The following TESK2 variants were observed in gnomAD, a reference collection of about 807,000 sequenced individuals.
TESK2 encodes the protein testis associated actin remodelling kinase 2, also known as dual specificity testis-specific protein kinase 2.
TESK2 carries 39 observed loss-of-function variants against 57.1 expected under a neutral mutation model. That is an observed-to-expected ratio of 0.68 (90% CI 0.53 to 0.89). The LOEUF (loss-of-function observed/expected upper bound fraction) is 0.89, where lower values mean the gene tolerates loss of function less well. Ranked by LOEUF, TESK2 falls within the 40% of genes least tolerant of loss-of-function variation. The pLI is 0.00. For missense variants in TESK2, 646 were observed against 732.1 expected (o/e 0.88, Z 1.36); for synonymous variants, 249 against 267.9 (o/e 0.93, Z 0.69).
intron 2 of TESK2, among the ~76,000 whole-genome samples, chr1:45,444,193 G>T (rs1305390526): frequency 1.4e-5 from 2 of 137,982 alleles, no homozygotes; most frequent in Non-Finnish European, 3.2e-5. Flanking sequence ...AAAAAAAAAA[G>T]GCTTTGAGGG....
chr1:45,383,427 T>C (rs925941696), intron 4 of TESK2, among the ~76,000 whole-genome samples: 1 of 152,140 alleles, frequency 6.6e-6, no homozygotes, highest in Non-Finnish European at 1.5e-5. Context: ...TCATAAGCTA[T>C]GTCAAAATCT....
rs1405831723 is a variant in TESK2 at position 45,346,791 on chromosome 1, T to A, written c.793-12A>T. On this transcript the variant is annotated splice_polypyrimidine_tract_variant and intron_variant, in intron 8 of 10. Coordinates refer to ENST00000372086, the MANE Select transcript of TESK2 (RefSeq NM_007170.3). ...TCCAGCCCGAAATTCTGTGGATGGGTATGGAAAGCATAGGTAGACAGTTCA... is the reference window on the plus strand; with the variant it reads ...TCCAGCCCGAAATTCTGTGGATGGGAATGGAAAGCATAGGTAGACAGTTCA... 1 of 1,612,220 alleles carries A rather than the reference T, an allele frequency of 6.2e-7. No individual in the cohort carries two copies. Among genetic ancestry groups the A allele is most frequent in the Non-Finnish European group, 8.5e-7 (1 of 1,178,454 alleles).
At chr1:45,348,090 A>G in intron 5 of TESK2, 90 bp from the exon 6 acceptor site, 2 of 882,296 alleles carry the variant, frequency 2.3e-6, no homozygotes, top group Non-Finnish European at 3.8e-6. Context: ...TTCCTATCAC[A>G]GGGCACCTTG....
chr1:45,346,137 C>T (rs1026704245), intron 9 of TESK2, 143 bp from the exon 10 acceptor site: 3 of 676,686 alleles, frequency 4.4e-6, no homozygotes, highest in East Asian at 2.6e-5. Flanking sequence ...TGAAGGTGAT[C>T]CCTACAGTTC....
intron 3 of TESK2, among the ~76,000 whole-genome samples, chr1:45,416,970 T>C (rs1650268899): frequency 6.6e-6 from 1 of 151,464 alleles, no homozygotes; most frequent in African/African-American, 2.4e-5. Context: ...GTATTTTTAG[T>C]AGAGATGGGG....
At chr1:45,384,385 A>ATCTATCTG (rs1553147474) in intron 4 of TESK2, among the ~76,000 whole-genome samples, 3 of 124,284 alleles carry the variant, frequency 2.4e-5, no homozygotes, top group African/African-American at 9.0e-5. Context: ...CTATCTATCT[A>ATCTATCTG]TCTGTCTATC....
In TESK2 at chr1:45,394,679, CT is replaced by C. The variant is rs5773871; in HGVS notation, c.345-8720del. On this transcript the variant is annotated intron_variant, in intron 3 of 10. Transcript: ENST00000372086. ...AAGATAGTAAGACCAACAGGAAACTCTTTTTTTTTTTTTTTTTTTTTTTTTT... is the reference window on the plus strand; with the variant it reads ...AAGATAGTAAGACCAACAGGAAACTCTTTTTTTTTTTTTTTTTTTTTTTTT... 3.5e-3 allele frequency among the ~76,000 whole-genome samples: 203 copies of C among 57,414 alleles called. 1 individual carries two copies. Among genetic ancestry groups the C allele is most frequent in the African/African-American group, 9.8e-3 (132 of 13,512 alleles). The allele number at this position is 57,414 out of a possible 152,430, so 37.7% of individuals were successfully genotyped here. A position where few individuals can be genotyped will look rare whatever the true frequency, so the allele number is the denominator to read the frequency against.
chr1:45,450,715 T>C (rs987351747), intron 2 of TESK2, among the ~76,000 whole-genome samples: 6 of 152,186 alleles, frequency 3.9e-5, no homozygotes, highest in Non-Finnish European at 4.4e-5. Context: ...CCACAAGTTG[T>C]AAATGAAAAG....
chr1:45,384,612 T>A (rs1259446868), intron 4 of TESK2, among the ~76,000 whole-genome samples: 1 of 133,678 alleles, frequency 7.5e-6, no homozygotes, highest in African/African-American at 2.8e-5. Context: ...TTTTTTTTTT[T>A]TTTTTTTTTT....
intron 5 of TESK2, among the ~76,000 whole-genome samples, chr1:45,354,968 G>A (rs1392316531): frequency 6.6e-6 from 1 of 151,350 alleles, no homozygotes; most frequent in Non-Finnish European, 1.5e-5. Context: ...TGGATTGTTT[G>A]CAGCCAGGAG....
intron 2 of TESK2, among the ~76,000 whole-genome samples, chr1:45,431,384 C>G (rs59264386): frequency 2.6e-5 from 4 of 151,816 alleles, no homozygotes; most frequent in African/African-American, 9.7e-5. Flanking sequence ...TGCCACTGCA[C>G]TCCAGCCTGG....
At chr1:45,388,710 G>A (rs1648998575) in intron 3 of TESK2, among the ~76,000 whole-genome samples, 1 of 147,634 alleles carries the variant, frequency 6.8e-6, no homozygotes, top group Non-Finnish European at 1.5e-5. Flanking sequence ...AGTATTGAGA[G>A]GTACGGCTTT....
At chr1:45,455,267 T>C (rs561654211) in intron 2 of TESK2, among the ~76,000 whole-genome samples, 1 of 152,214 alleles carries the variant, frequency 6.6e-6, no homozygotes, top group Non-Finnish European at 1.5e-5. Flanking sequence ...GATTGCTTAA[T>C]ATGTTTTTCA....
rs561029604 is a variant in TESK2 at position 45,445,042 on chromosome 1, T to C, written c.222+12522A>G. Among the ~76,000 whole-genome samples, 11 of 152,236 alleles carry C rather than the reference T, an allele frequency of 7.2e-5. No individual in the cohort carries two copies. In the South Asian group the frequency reaches 2.3e-3, roughly 32 times the overall value. On this transcript the variant is annotated intron_variant, in intron 2 of 10. Coordinates refer to ENST00000372086, the MANE Select transcript of TESK2 (RefSeq NM_007170.3). Reference sequence around the variant, plus strand: ...TATTGCAAAACCTAAGACTGGTGTTTGAGTATTTTTCGGACCTTGCATTCT... The same window carrying C: ...TATTGCAAAACCTAAGACTGGTGTTCGAGTATTTTTCGGACCTTGCATTCT...
chr1:45,351,720 G>A (rs1050583671), intron 5 of TESK2, among the ~76,000 whole-genome samples: 2 of 152,196 alleles, frequency 1.3e-5, no homozygotes, highest in Admixed American at 6.5e-5. Flanking sequence ...CACTGAAGTC[G>A]TTCAGAGATG....
chr1:45,476,429 G>A (rs1652991719), intron 1 of TESK2, among the ~76,000 whole-genome samples: 1 of 146,966 alleles, frequency 6.8e-6, no homozygotes, highest in African/African-American at 2.5e-5. Context: ...AATCGCTTGA[G>A]CCCAGGAGCG....
At chr1:45,475,355 T>C (rs1234629786) in intron 1 of TESK2, among the ~76,000 whole-genome samples, 1 of 151,832 alleles carries the variant, frequency 6.6e-6, no homozygotes, top group Non-Finnish European at 1.5e-5. Flanking sequence ...TACAGGCATG[T>C]GCCACCACGC....
intron 1 of TESK2, among the ~76,000 whole-genome samples, chr1:45,485,526 T>A (rs1454373538): frequency 1.4e-5 from 2 of 146,770 alleles, no homozygotes; most frequent in Non-Finnish European, 3.0e-5. Context: ...TTATTTTATT[T>A]TTTTTTTTTT....
chr1:45,388,966 C>G (rs759204592), intron 3 of TESK2, among the ~76,000 whole-genome samples: 1 of 151,904 alleles, frequency 6.6e-6, no homozygotes, highest in Non-Finnish European at 1.5e-5. Context: ...GTGATCTGCC[C>G]GTCTCAGCCT....
Sources: gnomAD v4.1 joint callset for allele counts (sites outside exome capture counted in the v4.1 genomes callset) on GRCh38, gnomAD v4.1.1 for gene constraint, MANE v1.5 for transcripts, NCBI Gene and HGNC (gene_info 2026-07-23, HGNC 2026-07-21) for gene names.